The following PAPPA variants were observed in gnomAD, a reference collection of about 807,000 sequenced individuals.
The protein encoded by PAPPA is pappalysin-1.
Under a neutral mutation model 164.0 loss-of-function variants are expected in PAPPA, and 60 were observed. The ratio of observed to expected loss-of-function variants is 0.37; its 90% CI spans 0.30 to 0.45. The LOEUF is 0.45. Ranked by LOEUF, PAPPA falls within the 20% of genes least tolerant of loss-of-function variation. The pLI is 1.00. For missense variants in PAPPA, 1,782 were observed against 2,087.3 expected (o/e 0.85, Z 2.85); for synonymous variants, 875 against 814.1 (o/e 1.07, Z -1.27).
Position 116,207,537 on chromosome 9 carries a change from C to G in PAPPA, c.1560C>G (p.Ser520=). The G allele has an allele frequency of 1.2e-6, 2 of 1,613,540 alleles. No individual in the cohort carries two copies. Among genetic ancestry groups the G allele is most frequent in the Admixed American group, 1.7e-5 (1 of 59,966 alleles). ...ATCTCAATATTTTCTTTGCAAAATC[C>G]TCAGAGGAGGAGTTGGCAGGAGTAG... ...STHLNIFFAK[S]SEEELAGVAT... The change falls in exon 3 of 22, where the codon TCC becomes TCG. Residue 520 remains serine (S), a synonymous_variant. Transcript: ENST00000328252.
chr9:116,347,262 G>A lies in PAPPA; in HGVS notation c.3964+53G>A. The A allele has an allele frequency of 2.7e-6, 4 of 1,507,054 alleles. No homozygotes were observed. The highest frequency in any genetic ancestry group is 2.7e-6 in the Non-Finnish European group (3 of 1,112,608). 93.4% of individuals were successfully genotyped at this position (1,507,054 alleles called of 1,614,324 possible). A position where few individuals can be genotyped will look rare whatever the true frequency, so the allele number is the denominator to read the frequency against. Reference sequence around the variant, plus strand: ...CCTTCCTTTGTCTATGGGAAACCTAGAAGCTGCATCCAGGCCCTCTTTCTG... The same window carrying A: ...CCTTCCTTTGTCTATGGGAAACCTAAAAGCTGCATCCAGGCCCTCTTTCTG... On this transcript the variant is annotated intron_variant, in intron 15 of 21. Coordinates refer to ENST00000328252, the MANE Select transcript of PAPPA (RefSeq NM_002581.5). This position sits in a 1 kb window ranked among gnomAD's most constrained non-coding sequence, Gnocchi z 4.5.
At chr9:116,160,592 T>A (rs985704144) in intron 1 of PAPPA, among the ~76,000 whole-genome samples, 4 of 151,998 alleles carry the variant, frequency 2.6e-5, no homozygotes, top group Non-Finnish European at 5.9e-5. Context: ...GAAGAGAAAA[T>A]CTCCAGGTAC....
chr9:116,155,183 T>G (rs1282651983), intron 1 of PAPPA, among the ~76,000 whole-genome samples: 1 of 152,064 alleles, frequency 6.6e-6, no homozygotes, highest in Non-Finnish European at 1.5e-5. Context: ...TAAAGCCCAT[T>G]GCCTGTCACT....
In PAPPA at chr9:116,377,901, GC is replaced by G. The variant is rs548350364; in HGVS notation, c.4677+255del. Reference sequence around the variant, plus strand: ...TTGGGTTCCAAGCCAGGCTTTTGTGGCTCCAGAGCCTGTGGTCTACAAAATA... The same window carrying G: ...TTGGGTTCCAAGCCAGGCTTTTGTGGTCCAGAGCCTGTGGTCTACAAAATA... On this transcript the variant is annotated intron_variant, in intron 20 of 21. Coordinates refer to ENST00000328252, the MANE Select transcript of PAPPA (RefSeq NM_002581.5). Among the ~76,000 whole-genome samples the G allele has an allele frequency of 1.7e-4, 26 of 152,280 alleles. No homozygotes were observed. The South Asian group carries it at 4.6e-3, about 27-fold the overall frequency.
At chr9:116,279,353 T>C (rs1318452354) in intron 9 of PAPPA, among the ~76,000 whole-genome samples, 1 of 152,094 alleles carries the variant, frequency 6.6e-6, no homozygotes, top group Non-Finnish European at 1.5e-5. Flanking sequence ...GGAGGTCTGA[T>C]GGATGCATTC....
chr9:116,289,691 C>T (rs968896642), intron 9 of PAPPA, among the ~76,000 whole-genome samples: 21 of 152,034 alleles, frequency 1.4e-4, no homozygotes, highest in African/African-American at 4.8e-4. Context: ...AGTGTTAAAA[C>T]GTTCATTCGT....
intron 10 of PAPPA, among the ~76,000 whole-genome samples, chr9:116,320,342 A>C (rs1260399930): frequency 6.6e-6 from 1 of 152,290 alleles, no homozygotes; most frequent in East Asian, 1.9e-4. Context: ...CGAGGTGCTA[A>C]TCAGCCCAGA....
intron 7 of PAPPA, among the ~76,000 whole-genome samples, chr9:116,259,504 C>T (rs1844976151): frequency 1.3e-5 from 2 of 152,094 alleles, no homozygotes; most frequent in South Asian, 4.1e-4. Context: ...AAACAATATG[C>T]ATGACTAGAA....
rs1588037337 is a variant in PAPPA at position 116,401,357 on chromosome 9, C to T, written c.*4741C>T. The T allele has an allele frequency of 6.6e-6, 1 of 152,588 alleles. No homozygotes were observed. The highest frequency in any genetic ancestry group is 1.9e-4 in the East Asian group (1 of 5,174). 9.5% of individuals were successfully genotyped at this position (152,588 alleles called of 1,614,324 possible). A position where few individuals can be genotyped will look rare whatever the true frequency, so the allele number is the denominator to read the frequency against. ...CACCTCACTTCTCAGACTTAAAATT[C>T]CACATCAAGTGTTCCATTAAAAGAA... On this transcript the variant is annotated 3_prime_UTR_variant, in exon 22 of 22. Coordinates refer to ENST00000328252, the MANE Select transcript of PAPPA (RefSeq NM_002581.5).
chr9:116,286,384 C>T (rs1173894628), intron 9 of PAPPA: 2 of 152,202 alleles, frequency 1.3e-5, no homozygotes, highest in Non-Finnish European at 2.9e-5. Context: ...GCCTAATTAA[C>T]TCGTAGCTGG....
At chr9:116,304,259 A>G (rs1192137986) in intron 10 of PAPPA, among the ~76,000 whole-genome samples, 1 of 152,242 alleles carries the variant, frequency 6.6e-6, no homozygotes, top group African/African-American at 2.4e-5. Context: ...CTCATGTTCA[A>G]GCAAAGGCTA....
chr9:116,336,963 C>A (rs181538688), intron 13 of PAPPA, among the ~76,000 whole-genome samples: 9 of 152,256 alleles, frequency 5.9e-5, no homozygotes, highest in Admixed American at 2.6e-4. Context: ...ATTATTGCAC[C>A]TCTTGAATAG....
At chr9:116,346,256 T>C (rs142240235) in intron 14 of PAPPA, among the ~76,000 whole-genome samples, 165 of 152,332 alleles carry the variant, frequency 1.1e-3, no homozygotes, top group Middle Eastern at 3.4e-3. Flanking sequence ...CTCCGTAGCA[T>C]GGTCTTGCCC....
intron 9 of PAPPA, among the ~76,000 whole-genome samples, chr9:116,275,789 A>T (rs1845189845): frequency 6.6e-6 from 1 of 152,046 alleles, no homozygotes; most frequent in Non-Finnish European, 1.5e-5. Flanking sequence ...GCTTAGTAAC[A>T]CCAGCGTTAG....
In PAPPA at chr9:116,218,144, T is replaced by C. The variant is rs1439623198; in HGVS notation, c.1919-1793T>C. On this transcript the variant is annotated intron_variant, in intron 4 of 21. Coordinates refer to ENST00000328252, the MANE Select transcript of PAPPA (RefSeq NM_002581.5). ...ACTATACTGTGTTTGTTAAGAGACA[T>C]TGGGCTCTTCCACTTCTCCAAATGT... is the stretch of plus-strand genomic sequence containing the variant. Among the ~76,000 whole-genome samples the C allele has an allele frequency of 2.6e-5, 4 of 152,162 alleles. No homozygotes were observed. In the East Asian group the frequency reaches 5.8e-4, roughly 22 times the overall value.
Position 116,271,334 on chromosome 9 carries a change from T to C in PAPPA, c.2871T>C (p.Gly957=). The C allele has an allele frequency of 6.2e-7, 1 of 1,613,596 alleles. No homozygotes were observed. Among genetic ancestry groups the C allele is most frequent in the East Asian group, 2.2e-5 (1 of 44,868 alleles). ...CGDGIIQKDQ[G]EQCDDMNKIN... is the part of the protein sequence containing the mutation. ...CATATCTGCTCTGCAGAGACCAAGG[T>C]GAACAATGCGACGACATGAATAAGA... The change falls in exon 9 of 22, where the codon GGT becomes GGC. Residue 957 remains glycine, a synonymous_variant. Coordinates refer to ENST00000328252, the MANE Select transcript of PAPPA (RefSeq NM_002581.5). This position sits in a 1 kb window ranked among gnomAD's most constrained non-coding sequence, Gnocchi z 4.2.
At position 116,309,097 on chromosome 9, in the gene PAPPA, G is replaced by A. The variant is rs1206264941; in HGVS notation, c.3147+6147G>A. On this transcript the variant is annotated intron_variant, in intron 10 of 21. Coordinates refer to ENST00000328252, the MANE Select transcript of PAPPA (RefSeq NM_002581.5). Reference sequence around the variant, plus strand: ...CTTTCTTTTTTTCTTTTTTTTTTTGGCAAAGTCTCACTCCGTCCTCCAGGC... The same window carrying A: ...CTTTCTTTTTTTCTTTTTTTTTTTGACAAAGTCTCACTCCGTCCTCCAGGC... Among the ~76,000 whole-genome samples, 5 of 149,894 alleles carry A rather than the reference G, an allele frequency of 3.3e-5. No homozygotes were observed. The East Asian group carries it at 9.7e-4, about 29-fold the overall frequency.
chr9:116,171,728 T>C (rs977743024), intron 1 of PAPPA, among the ~76,000 whole-genome samples: 2 of 152,136 alleles, frequency 1.3e-5, no homozygotes, highest in African/African-American at 4.8e-5. Flanking sequence ...CTCTGTCTCC[T>C]TCCCCTTATT....
At position 116,238,240 on chromosome 9, in the gene PAPPA, G is replaced by A. The variant is rs964921509; in HGVS notation, c.2732+2603G>A. ...CACTTAAACAAGTTCTCAAAGTGTG[G>A]CCCCAGACCAATGGCATCAGTATCA... On this transcript the variant is annotated intron_variant, in intron 7 of 21. Coordinates refer to ENST00000328252, the MANE Select transcript of PAPPA (RefSeq NM_002581.5). Among the ~76,000 whole-genome samples, 4 of 152,108 alleles carry A rather than the reference G, an allele frequency of 2.6e-5. No homozygotes were observed. In the South Asian group the frequency reaches 6.2e-4, roughly 24 times the overall value.
Sources: gnomAD v4.1 joint callset for allele counts (sites outside exome capture counted in the v4.1 genomes callset) on GRCh38, gnomAD v4.1.1 for gene constraint, Gnocchi (gnomAD v3.1) non-coding constraint, MANE v1.5 for transcripts, NCBI Gene and HGNC (gene_info 2026-07-23, HGNC 2026-07-21) for gene names.